Variants in KCTD10 observed in about 807,000 individuals in gnomAD.
KCTD10 encodes potassium channel tetramerization domain containing 10, also known as BTB/POZ domain-containing adapter for CUL3-mediated RhoA degradation protein 3.
In KCTD10, 13 loss-of-function variants were observed where a neutral mutation model predicts 34.6. The observed-to-expected ratio is 0.38, with a 90% confidence interval of 0.24 to 0.60. KCTD10 has a LOEUF of 0.60. KCTD10 is among the 20% of genes least tolerant of loss of function. KCTD10 has a pLI of 0.66. For missense variants in KCTD10, 256 were observed against 420.3 expected (o/e 0.61, Z 3.42); for synonymous variants, 156 against 168.8 (o/e 0.92, Z 0.59).
At position 109,460,875 on chromosome 12, in the gene KCTD10, G is replaced by C; in HGVS notation, c.218-70C>G. 1 of 1,474,862 alleles carries C rather than the reference G, an allele frequency of 6.8e-7. No individual in the cohort carries two copies. Among genetic ancestry groups the C allele is most frequent in the Non-Finnish European group, 9.3e-7 (1 of 1,071,704 alleles). 91.4% of individuals were successfully genotyped at this position (1,474,862 alleles called of 1,614,324 possible). A position where few individuals can be genotyped will look rare whatever the true frequency, so the allele number is the denominator to read the frequency against. ...TGTGGGAGGCCCTGAGCAGAGCTGG[G>C]GTGTCTCTCGGCTCCCTCTACCTCC... is the stretch of plus-strand genomic sequence containing the variant. On this transcript the variant is annotated intron_variant, in intron 2 of 6. Transcript: ENST00000228495. The surrounding 1 kb of genome is among the most constrained non-coding windows in gnomAD (Gnocchi z 4.5).
At chr12:109,469,073 T>C (rs1198929699) in intron 2 of KCTD10, 2 of 207,340 alleles carry the variant, frequency 9.6e-6, no homozygotes, top group Non-Finnish European at 2.0e-5. Context: ...ATACTGACTA[T>C]GTGCCGATGG....
At chr12:109,465,316 C>G (rs1268047870) in intron 2 of KCTD10, among the ~76,000 whole-genome samples, 1 of 152,180 alleles carries the variant, frequency 6.6e-6, no homozygotes, top group Non-Finnish European at 1.5e-5. Context: ...GCAAAACATA[C>G]AAACTGTACA....
chr12:109,464,355 G>C (rs984235965), intron 2 of KCTD10, among the ~76,000 whole-genome samples: 4 of 152,084 alleles, frequency 2.6e-5, no homozygotes, highest in African/African-American at 9.7e-5. Context: ...CACATTGTAG[G>C]GTATTTAGTT....
At chr12:109,475,869 A>G (rs1874179537) in intron 1 of KCTD10, among the ~76,000 whole-genome samples, 1 of 132,198 alleles carries the variant, frequency 7.6e-6, no homozygotes, top group South Asian at 2.3e-4. Flanking sequence ...CTTATAAGAC[A>G]GCTACCGCCA....
intron 5 of KCTD10, 29 bp from the exon 6 acceptor site, chr12:109,456,342 A>T: frequency 6.2e-7 from 1 of 1,606,148 alleles, no homozygotes; most frequent in Non-Finnish European, 8.5e-7. Context: ...TACGGTGACC[A>T]CAAGCTGGTA....
intron 1 of KCTD10, among the ~76,000 whole-genome samples, chr12:109,476,510 C>T (rs988315540): frequency 6.6e-6 from 1 of 152,154 alleles, no homozygotes; most frequent in Non-Finnish European, 1.5e-5. Context: ...AGCTGAGAGA[C>T]AGATCTTGAA....
intron 3 of KCTD10, chr12:109,459,076 AG>A (rs1873177817): frequency 6.6e-6 from 1 of 152,386 alleles, no homozygotes; most frequent in Non-Finnish European, 1.5e-5. Flanking sequence ...GGGAGAAGAA[AG>A]AAAACAAACA....
At chr12:109,471,709 G>C (rs10850219) in intron 1 of KCTD10, among the ~76,000 whole-genome samples, 29,030 of 152,078 alleles carry the variant, frequency 0.19, 2,990 homozygotes, top group Middle Eastern at 0.26. Flanking sequence ...GACCTCGAAG[G>C]GGGGGAGAAA....
At chr12:109,470,755 A>T (rs1427513482) in intron 1 of KCTD10, 1 of 235,350 alleles carries the variant, frequency 4.2e-6, no homozygotes, top group African/African-American at 2.3e-5. Context: ...AAAAACATAA[A>T]CATTATCCAA....
intron 6 of KCTD10, among the ~76,000 whole-genome samples, chr12:109,453,047 C>A (rs988435814): frequency 6.6e-6 from 1 of 152,052 alleles, no homozygotes; most frequent in Admixed American, 6.5e-5. Flanking sequence ...GACGGGAGTC[C>A]AAGGGCCTCT....
rs536109819 is a variant in KCTD10, at chr12:109,467,194, G to A, written c.217+2321C>T. On this transcript the variant is annotated intron_variant, in intron 2 of 6. Coordinates refer to ENST00000228495, the MANE Select transcript of KCTD10 (RefSeq NM_031954.5). ...GACAGTAAGAGGCAGCAAGTCCTGG[G>A]TTCAGCAGCTTCACCTTTTCTAGTC... Among the ~76,000 whole-genome samples the A allele has an allele frequency of 1.7e-4, 26 of 152,354 alleles. No homozygotes were observed. The East Asian group carries it at 4.6e-3, about 27-fold the overall frequency.
chr12:109,457,908 A>G, intron 4 of KCTD10, 84 bp downstream of exon 4: 1 of 1,232,662 alleles, frequency 8.1e-7, no homozygotes, highest in Non-Finnish European at 1.2e-6. Flanking sequence ...GCAATTATAC[A>G]TGTTTTTATT....
intron 1 of KCTD10, among the ~76,000 whole-genome samples, chr12:109,474,428 C>G (rs1874048455): frequency 6.6e-6 from 1 of 152,164 alleles, no homozygotes. Flanking sequence ...GTTGCTGATT[C>G]TAAACAGTGG....
At chr12:109,455,945 C>G (rs1592835945) in intron 6 of KCTD10, among the ~76,000 whole-genome samples, 173 bp downstream of exon 6, 1 of 152,146 alleles carries the variant, frequency 6.6e-6, no homozygotes, top group East Asian at 1.9e-4. Context: ...CAGATGAACC[C>G]TACATTTGGC....
At position 109,448,725 on chromosome 12, in the gene KCTD10, T is replaced by C. The variant is rs1872604605; in HGVS notation, c.*2870A>G. 2 of 152,264 alleles carry C rather than the reference T, an allele frequency of 1.3e-5. No homozygotes were observed. Among genetic ancestry groups the C allele is most frequent in the Admixed American group, 6.5e-5 (1 of 15,288 alleles). The allele number at this position is 152,264 out of a possible 1,614,324, so 9.4% of individuals were successfully genotyped here. On this transcript the variant is annotated 3_prime_UTR_variant, in exon 7 of 7. Transcript: ENST00000228495. ...CATACAGTGGCTACATCTAAAACTT[T>C]GAGCATTTTTTTATGGCGCAAAGAG...
rs747887218 is a variant in KCTD10, at chr12:109,460,644, C to T, written c.379G>A (p.Ala127Thr). The stretch of plus-strand genomic sequence containing the variant: ...GAAAGGGTGATGCCTACTTGTAGGG[C>T]CGCCTGGCACTCTTCCACCAGGCCT... ...VQGLVEECQA[A>T]LQNKDTYEPF... is the part of the protein sequence containing the mutation. The change falls in exon 3 of 7, where the codon GCC (alanine) becomes ACC (threonine). Residue 127 changes from alanine (A) to threonine (T), a missense_variant. Coordinates refer to ENST00000228495, the MANE Select transcript of KCTD10 (RefSeq NM_031954.5). The surrounding 1 kb of genome is among the most constrained non-coding windows in gnomAD (Gnocchi z 4.5). 5.6e-6 allele frequency: 9 copies of T among 1,613,250 alleles called. No homozygotes were observed. Among genetic ancestry groups the T allele is most frequent in the Admixed American group, 3.3e-5 (2 of 59,940 alleles).
chr12:109,460,874 G>A lies in KCTD10; in HGVS notation c.218-69C>T. On this transcript the variant is annotated intron_variant, in intron 2 of 6. Coordinates refer to ENST00000228495, the MANE Select transcript of KCTD10 (RefSeq NM_031954.5). This position sits in a 1 kb window ranked among gnomAD's most constrained non-coding sequence, Gnocchi z 4.5. ...TTGTGGGAGGCCCTGAGCAGAGCTG[G>A]GGTGTCTCTCGGCTCCCTCTACCTC... The A allele has an allele frequency of 6.7e-7, 1 of 1,500,212 alleles. No individual in the cohort carries two copies. The highest frequency in any genetic ancestry group is 9.2e-7 in the Non-Finnish European group (1 of 1,092,094). 92.9% of individuals were successfully genotyped at this position (1,500,212 alleles called of 1,614,324 possible).
chr12:109,464,335 G>A (rs1219483334), intron 2 of KCTD10, among the ~76,000 whole-genome samples: 1 of 152,132 alleles, frequency 6.6e-6, no homozygotes, highest in Non-Finnish European at 1.5e-5. Context: ...AGTTGTAAGA[G>A]GCTGCCCCGC....
intron 6 of KCTD10, among the ~76,000 whole-genome samples, chr12:109,455,314 G>A (rs777655703): frequency 6.6e-6 from 1 of 152,064 alleles, no homozygotes; most frequent in Non-Finnish European, 1.5e-5. Context: ...CAAGCTGATG[G>A]CCCTTGACGT....
Sources: allele counts gnomAD v4.1 joint callset (sites outside exome capture counted in the v4.1 genomes callset), GRCh38; gene constraint gnomAD v4.1.1; non-coding constraint Gnocchi (gnomAD v3.1); transcripts MANE v1.5; gene names NCBI Gene and HGNC (gene_info 2026-07-23, HGNC 2026-07-21).